Variants in ATRNL1 observed in about 807,000 individuals in gnomAD.
ATRNL1 encodes the protein attractin like 1.
ATRNL1 carries 95 observed loss-of-function variants against 182.7 expected under a neutral mutation model. That is an observed-to-expected ratio of 0.52 (90% confidence interval 0.44 to 0.62). The LOEUF (loss-of-function observed/expected upper bound fraction) is 0.62. ATRNL1 is among the 20% of genes least tolerant of loss of function. The probability of loss-of-function intolerance (pLI) is 0.00; values close to 1 mark genes in which losing one functional copy is unlikely to be tolerated. For missense variants in ATRNL1, 1,471 were observed against 1,679.5 expected (o/e 0.88, Z 2.17); for synonymous variants, 576 against 568.3 (o/e 1.01, Z -0.19).
At chr10:115,655,011 A>G (rs1394754785) in intron 26 of ATRNL1, among the ~76,000 whole-genome samples, 2 of 152,150 alleles carry the variant, frequency 1.3e-5, no homozygotes, top group Non-Finnish European at 2.9e-5. Flanking sequence ...CTGAGTGAGG[A>G]GGAGTGAAAG....
chr10:115,920,532 T>A (rs1305326201), intron 28 of ATRNL1, among the ~76,000 whole-genome samples: 2 of 152,150 alleles, frequency 1.3e-5, no homozygotes, highest in African/African-American at 4.8e-5. Context: ...ACACCCAGAA[T>A]CTAAGAGAGG....
intron 26 of ATRNL1, among the ~76,000 whole-genome samples, chr10:115,616,189 C>A (rs1857418152): frequency 6.6e-6 from 1 of 152,172 alleles, no homozygotes; most frequent in Non-Finnish European, 1.5e-5. Context: ...CAATTAGCTG[C>A]ATTGTATTGT....
chr10:115,370,209 C>G (rs11197188), intron 19 of ATRNL1, among the ~76,000 whole-genome samples: 3 of 152,142 alleles, frequency 2.0e-5, no homozygotes, highest in African/African-American at 7.2e-5. Context: ...ATAAATTGCC[C>G]AGTCTCAGTA....
intron 25 of ATRNL1, among the ~76,000 whole-genome samples, chr10:115,536,352 GT>G (rs1282088464): frequency 1.3e-5 from 2 of 152,208 alleles, no homozygotes; most frequent in Non-Finnish European, 2.9e-5. Context: ...TTGCCTAGCA[GT>G]TTGATCTCAG....
rs140827875 is a variant in ATRNL1, at chr10:115,530,196, G to C, written c.3716+10872G>C. Among the ~76,000 whole-genome samples, 13 of 152,218 alleles carry C rather than the reference G, an allele frequency of 8.5e-5. No homozygotes were observed. The East Asian group carries it at 1.9e-3, about 23-fold the overall frequency. ...TACTACTATGCACATTTGTGTGTAA[G>C]TTTTTATGTGGATATATATTTTCAT... is the stretch of plus-strand genomic sequence containing the variant. On this transcript the variant is annotated intron_variant, in intron 25 of 28. Coordinates refer to ENST00000355044, the MANE Select transcript of ATRNL1 (RefSeq NM_207303.4).
intron 28 of ATRNL1, among the ~76,000 whole-genome samples, chr10:115,935,233 CAT>C (rs782773112): frequency 6.6e-5 from 10 of 152,190 alleles, no homozygotes; most frequent in Non-Finnish European, 1.5e-4. Context: ...GCCCTCAATA[CAT>C]GTTTCTCAAT....
At chr10:115,433,646 AT>A (rs1221756941) in intron 21 of ATRNL1, among the ~76,000 whole-genome samples, 4 of 152,060 alleles carry the variant, frequency 2.6e-5, no homozygotes, top group African/African-American at 4.8e-5. Context: ...GTACTTTTAG[AT>A]TTTTATTTCA....
intron 24 of ATRNL1, among the ~76,000 whole-genome samples, chr10:115,508,490 A>G (rs12254795): frequency 0.019 from 2,839 of 152,128 alleles, 81 homozygotes; most frequent in African/African-American, 0.065. Flanking sequence ...CTCTTGTCCG[A>G]AGAATTAGCT....
At chr10:115,241,765 G>A in intron 10 of ATRNL1, 40 bp downstream of exon 10, 1 of 1,538,562 alleles carries the variant, frequency 6.5e-7, no homozygotes. Flanking sequence ...GGAAATATCA[G>A]AAATTTTCCA....
intron 8 of ATRNL1, among the ~76,000 whole-genome samples, chr10:115,181,545 C>T (rs1434176536): frequency 6.6e-6 from 1 of 151,604 alleles, no homozygotes; most frequent in African/African-American, 2.4e-5. Context: ...CTGTTGCATT[C>T]TTTTAAAAAT....
Position 115,805,049 on chromosome 10 carries a change from TATGTAAA to T in ATRNL1, c.3904-42825_3904-42819del, listed in dbSNP as rs1345486146. 1.3e-4 allele frequency among the ~76,000 whole-genome samples: 20 copies of T among 152,248 alleles called. No individual in the cohort carries two copies. The East Asian group carries it at 1.5e-3, about 12-fold the overall frequency. ...CAGCACAGCATGCCTCTTAGGTAAA[TATGTAAA>T]ATTCTAGGAGTTATTTTTCAAGGGG... On this transcript the variant is annotated intron_variant, in intron 27 of 28. Transcript: ENST00000355044.
chr10:115,471,538 T>TA (rs774791321), intron 24 of ATRNL1, among the ~76,000 whole-genome samples: 12 of 151,196 alleles, frequency 7.9e-5, no homozygotes, highest in Non-Finnish European at 1.8e-4. Context: ...ATGGCCATCA[T>TA]AACAGCTATG....
chr10:115,603,553 T>G (rs534292611), intron 26 of ATRNL1, among the ~76,000 whole-genome samples: 2 of 152,316 alleles, frequency 1.3e-5, no homozygotes, highest in Admixed American at 6.5e-5. Flanking sequence ...CTCATAAAAT[T>G]TTAAGAAACT....
Position 115,223,936 on chromosome 10 carries a change from T to A in ATRNL1, c.1532+8056T>A, listed in dbSNP as rs1325175654. Reference sequence around the variant, plus strand: ...GTGTATATATATATATATATTTTTTTTTTTTTTTTTTTTCTTTGAGACAGA... The same window carrying A: ...GTGTATATATATATATATATTTTTTATTTTTTTTTTTTTCTTTGAGACAGA... On this transcript the variant is annotated intron_variant, in intron 9 of 28. Transcript: ENST00000355044. 7.1e-3 allele frequency among the ~76,000 whole-genome samples: 821 copies of A among 116,276 alleles called. 31 individuals are homozygous for A. Among genetic ancestry groups the A allele is most frequent in the African/African-American group, 0.027 (790 of 29,594 alleles). 76.3% of individuals were successfully genotyped at this position (116,276 alleles called of 152,430 possible). A position where few individuals can be genotyped will look rare whatever the true frequency, so the allele number is the denominator to read the frequency against.
intron 27 of ATRNL1, among the ~76,000 whole-genome samples, chr10:115,748,310 T>C (rs1555069707): frequency 6.6e-6 from 1 of 151,584 alleles, no homozygotes; most frequent in African/African-American, 2.4e-5. Context: ...GCTTATCTGA[T>C]CTATAATTCA....
At chr10:115,099,348 G>A (rs1469308080) in intron 1 of ATRNL1, among the ~76,000 whole-genome samples, 10 of 152,146 alleles carry the variant, frequency 6.6e-5, no homozygotes, top group Admixed American at 6.5e-4. Context: ...CATTTGGATT[G>A]TTTCAAATTT....
chr10:115,575,815 T>C (rs1854669567), intron 26 of ATRNL1, among the ~76,000 whole-genome samples: 1 of 152,076 alleles, frequency 6.6e-6, no homozygotes, highest in Non-Finnish European at 1.5e-5. Flanking sequence ...TTTTTAGCTA[T>C]ATCCTTCTGC....
At chr10:115,612,493 G>T (rs1555019332) in intron 26 of ATRNL1, among the ~76,000 whole-genome samples, 1 of 152,190 alleles carries the variant, frequency 6.6e-6, no homozygotes, top group African/African-American at 2.4e-5. Flanking sequence ...GCATAGCCAA[G>T]GAGTTTGAGA....
At chr10:115,840,701 A>G (rs1365083872) in intron 27 of ATRNL1, among the ~76,000 whole-genome samples, 1 of 152,154 alleles carries the variant, frequency 6.6e-6, no homozygotes, top group Non-Finnish European at 1.5e-5. Flanking sequence ...TTATTTACTC[A>G]GAAGTATTGA....
Sources: gnomAD v4.1 joint callset for allele counts (sites outside exome capture counted in the v4.1 genomes callset) on GRCh38, gnomAD v4.1.1 for gene constraint, MANE v1.5 for transcripts, NCBI Gene and HGNC (gene_info 2026-07-23, HGNC 2026-07-21) for gene names.